The following SEMA4B variants were observed in gnomAD, a reference collection of about 807,000 sequenced individuals.
SEMA4B encodes semaphorin 4B, also known as semaphorin-4B.
SEMA4B carries 55 observed loss-of-function variants against 88.1 expected under a neutral mutation model. That is an observed-to-expected ratio of 0.62 (90% CI 0.50 to 0.78). The LOEUF (loss-of-function observed/expected upper bound fraction) is 0.78, where lower values mean the gene tolerates loss of function less well. SEMA4B is among the 30% of genes least tolerant of loss of function. The probability of loss-of-function intolerance (pLI) is 0.00; values close to 1 mark genes in which losing one functional copy is unlikely to be tolerated. For synonymous variants in SEMA4B, 525 were observed against 473.6 expected (o/e 1.11, Z -1.41); for missense variants, 1,062 against 1,111.9 (o/e 0.96, Z 0.64).
In SEMA4B at chr15:90,228,382, G is replaced by T; in HGVS notation, c.2253G>T (p.Gly751=). The T allele has an allele frequency of 6.3e-7, 1 of 1,599,408 alleles. No homozygotes were observed. The highest frequency in any genetic ancestry group is 1.3e-5 in the African/African-American group (1 of 74,740). ...GCATGAAAGTCTTCCTGAAGCAGGG[G>T]GAATGTGCCAGCGTGCACCCCAAGA... ...RNSMKVFLKQ[G]ECASVHPKTC... The change falls in exon 14 of 14, where the codon GGG becomes GGT. Residue 751 remains glycine, a synonymous_variant. Coordinates refer to ENST00000411539, the MANE Select transcript of SEMA4B (RefSeq NM_198925.4).
In SEMA4B at chr15:90,229,647, G is replaced by A; in HGVS notation, c.*1004G>A. 3.0e-6 allele frequency: 1 copy of A among 334,580 alleles called. No homozygotes were observed. Among genetic ancestry groups the A allele is most frequent in the Non-Finnish European group, 5.8e-6 (1 of 171,190 alleles). 20.7% of individuals were successfully genotyped at this position (334,580 alleles called of 1,614,324 possible). A position where few individuals can be genotyped will look rare whatever the true frequency, so the allele number is the denominator to read the frequency against. ...ATGTCATTTTTTAATAAAGTCTGAA[G>A]AATTACTGTTTAATCCTGGCTCTTC... On this transcript the variant is annotated 3_prime_UTR_variant, in exon 14 of 14. Coordinates refer to ENST00000411539, the MANE Select transcript of SEMA4B (RefSeq NM_198925.4).
chr15:90,219,427 C>T (rs1406431015), intron 3 of SEMA4B: 1 of 199,796 alleles, frequency 5.0e-6, no homozygotes, highest in Admixed American at 5.6e-5. Context: ...AGCAGTCCTC[C>T]TGCTCTGGGC....
intron 1 of SEMA4B, among the ~76,000 whole-genome samples, chr15:90,188,001 T>G (rs1427501658): frequency 1.9e-5 from 2 of 103,228 alleles, no homozygotes; most frequent in Non-Finnish European, 3.5e-5. Flanking sequence ...TGAGACTCCA[T>G]CTCAAAAAAA....
chr15:90,209,576 AAG>A (rs1001958782), intron 1 of SEMA4B, among the ~76,000 whole-genome samples: 2 of 152,106 alleles, frequency 1.3e-5, no homozygotes, highest in African/African-American at 2.4e-5. Context: ...TTAAAAAAAA[AAG>A]AGAGAAGAGC....
At chr15:90,223,514 G>A (rs756621106) in intron 7 of SEMA4B, 45 bp from the exon 8 acceptor site, 1 of 1,503,894 alleles carries the variant, frequency 6.6e-7, no homozygotes, top group Non-Finnish European at 8.9e-7. Flanking sequence ...TCCCCGTCAT[G>A]GCTCAGCATG....
Position 90,227,650 on chromosome 15 carries a change from G to GC in SEMA4B, c.1774+13dup. On this transcript the variant is annotated intron_variant, in intron 13 of 13. Coordinates refer to ENST00000411539, the MANE Select transcript of SEMA4B (RefSeq NM_198925.4). ...CGTCTTTTGTACCAACAGGTGAGGT[G>GC]CCCCCTCAAAAGGTGGAGGAGAGAG... is the stretch of plus-strand genomic sequence containing the variant. 6.2e-7 allele frequency: 1 copy of GC among 1,613,670 alleles called. No individual in the cohort carries two copies. The highest frequency in any genetic ancestry group is 8.5e-7 in the Non-Finnish European group (1 of 1,179,602).
chr15:90,223,992 G>A lies in SEMA4B; in HGVS notation c.1194+4G>A, dbSNP rs1317975523. The A allele has an allele frequency of 1.6e-5, 26 of 1,611,214 alleles. No homozygotes were observed. In the Admixed American group the frequency reaches 3.7e-4, roughly 23 times the overall value. ...GCCCACACCCCGGCCTGGAGCGGTG[G>A]GTACTGGCTCCCTGCACCCAGAAGG... is the stretch of plus-strand genomic sequence containing the variant. On this transcript the variant is annotated splice_donor_region_variant and intron_variant, in intron 9 of 13. Coordinates refer to ENST00000411539, the MANE Select transcript of SEMA4B (RefSeq NM_198925.4).
chr15:90,192,039 G>GGAGA (rs959205888), intron 1 of SEMA4B: 9 of 153,016 alleles, frequency 5.9e-5, no homozygotes, highest in Non-Finnish European at 8.8e-5. Context: ...TGGCATAAGA[G>GGAGA]GAGAGCTCAG....
chr15:90,218,771 T>G (rs575221957), intron 3 of SEMA4B, among the ~76,000 whole-genome samples: 18 of 152,220 alleles, frequency 1.2e-4, no homozygotes, highest in African/African-American at 3.9e-4. Context: ...AGCCGAGATC[T>G]CGCCACTGCA....
rs1961299155 is a variant in SEMA4B at position 90,212,139 on chromosome 15, AG to A, written c.158-5299del. On this transcript the variant is annotated intron_variant, in intron 1 of 13. Coordinates refer to ENST00000411539, the MANE Select transcript of SEMA4B (RefSeq NM_198925.4). The surrounding 1 kb of genome is among the most constrained non-coding windows in gnomAD (Gnocchi z 4.0). Reference sequence around the variant, plus strand: ...AGTATTCCCACATCACTTCCTACTCAGAACCCCACTTCCTACTCAGAACCCC... The same window carrying A: ...AGTATTCCCACATCACTTCCTACTCAAACCCCACTTCCTACTCAGAACCCC... Among the ~76,000 whole-genome samples the A allele has an allele frequency of 7.0e-5, 1 of 14,356 alleles. No individual in the cohort carries two copies. The highest frequency in any genetic ancestry group is 1.0e-3 in the African/African-American group (1 of 960). The allele number at this position is 14,356 out of a possible 152,430, so 9.4% of individuals were successfully genotyped here. A position where few individuals can be genotyped will look rare whatever the true frequency, so the allele number is the denominator to read the frequency against.
At chr15:90,203,631 G>A (rs1285773449) in intron 1 of SEMA4B, among the ~76,000 whole-genome samples, 1 of 152,164 alleles carries the variant, frequency 6.6e-6, no homozygotes, top group Non-Finnish European at 1.5e-5. Flanking sequence ...ACTTCTACAA[G>A]CCCGTGACTG....
chr15:90,202,567 A>C (rs1172009520), intron 1 of SEMA4B, among the ~76,000 whole-genome samples: 7 of 152,070 alleles, frequency 4.6e-5, no homozygotes, highest in African/African-American at 1.7e-4. Context: ...TTAGATTCAG[A>C]GGGTCCTGGA....
upstream of SEMA4B, chr15:90,184,931 C>A: frequency 2.0e-6 from 2 of 985,942 alleles, no homozygotes; most frequent in Non-Finnish European, 2.4e-6. Flanking sequence ...TTTCCGGGGA[C>A]GCCGCGCCGG....
At chr15:90,194,446 C>G (rs953743021) in intron 1 of SEMA4B, among the ~76,000 whole-genome samples, 1 of 152,006 alleles carries the variant, frequency 6.6e-6, no homozygotes, top group African/African-American at 2.4e-5. Context: ...GCAGGAGAAT[C>G]GCTTGAACCC....
chr15:90,203,894 A>G (rs1320678663), intron 1 of SEMA4B, among the ~76,000 whole-genome samples: 1 of 152,136 alleles, frequency 6.6e-6, no homozygotes, highest in Non-Finnish European at 1.5e-5. Flanking sequence ...GCACCTAGCT[A>G]CCTGAACTTG....
At chr15:90,209,832 TGA>T (rs66761726) in intron 1 of SEMA4B, among the ~76,000 whole-genome samples, 111,000 of 151,928 alleles carry the variant, frequency 0.73, 41,416 homozygotes, top group East Asian at 0.94. Flanking sequence ...AGACCGGAGA[TGA>T]GAGAATTGGG....
intron 11 of SEMA4B, 109 bp from the exon 12 acceptor site, chr15:90,225,552 C>A: frequency 7.4e-7 from 1 of 1,352,136 alleles, no homozygotes; most frequent in Non-Finnish European, 1.0e-6. Flanking sequence ...TCGCCTGTTA[C>A]GTAACAGGCC....
chr15:90,225,364 G>GCC lies in SEMA4B; in HGVS notation c.1490_1491dup (p.Val498ProfsTer22). 1 of 1,553,902 alleles carries GCC rather than the reference G, an allele frequency of 6.4e-7. No individual in the cohort carries two copies. On this transcript the variant is annotated frameshift_variant, in exon 11 of 14. Coordinates refer to ENST00000411539, the MANE Select transcript of SEMA4B (RefSeq NM_198925.4). LOFTEE classifies it high-confidence loss of function. Reference sequence around the variant, plus strand: ...AGCTGCAGATCTTCTCATCGGGACAGCCCGTGCAGAATCTGCTCCTGGACA... The same window carrying GCC: ...AGCTGCAGATCTTCTCATCGGGACAGCCCCCGTGCAGAATCTGCTCCTGGACA...
chr15:90,199,902 A>G (rs1444355494), upstream of SEMA4B, among the ~76,000 whole-genome samples: 2 of 152,002 alleles, frequency 1.3e-5, no homozygotes, highest in African/African-American at 4.8e-5. Flanking sequence ...GGGTTTGGGT[A>G]TCACTGGCTG....
Sources: gnomAD v4.1 joint callset for allele counts (sites outside exome capture counted in the v4.1 genomes callset) on GRCh38, gnomAD v4.1.1 for gene constraint, Gnocchi (gnomAD v3.1) non-coding constraint, MANE v1.5 for transcripts, NCBI Gene and HGNC (gene_info 2026-07-23, HGNC 2026-07-21) for gene names.